CDC42SE2: variants seen among roughly 807,000 people sequenced by gnomAD.
CDC42SE2 encodes the protein CDC42 small effector protein 2.
In CDC42SE2, 3 loss-of-function variants were observed where a neutral mutation model predicts 11.5. That is an observed-to-expected ratio of 0.26 (90% CI 0.12 to 0.67). The LOEUF (loss-of-function observed/expected upper bound fraction) is 0.67, where lower values mean the gene tolerates loss of function less well. CDC42SE2 is among the 30% of genes least tolerant of loss of function. The probability of loss-of-function intolerance (pLI) is 0.80; values close to 1 mark genes in which losing one functional copy is unlikely to be tolerated. For synonymous variants in CDC42SE2, 33 were observed against 34.8 expected, an observed-to-expected ratio of 0.95 and a Z score of 0.18; for missense variants, 82 against 106.8, an observed-to-expected ratio of 0.77 and a Z score of 1.02.
rs111792633 is a variant in CDC42SE2 at position 131,346,990 on chromosome 5, T to G, written c.-285-12219T>G. ...GACACAACAAATCTCCGGGACACAT[T>G]TAAAGCAGTGTGTAGAGGGAAATTT... is the stretch of plus-strand genomic sequence containing the variant. On this transcript the variant is annotated intron_variant, in intron 2 of 4. Coordinates refer to ENST00000505065, the MANE Select transcript of CDC42SE2 (RefSeq NM_001375635.1). Among the ~76,000 whole-genome samples, 1,116 of 152,072 alleles carry G rather than the reference T, an allele frequency of 7.3e-3. 11 individuals carry two copies. The highest frequency in any genetic ancestry group is 0.026 in the African/African-American group (1,068 of 41,480).
chr5:131,394,188 T>A lies in CDC42SE2; in HGVS notation c.*3097T>A, dbSNP rs757420806. On this transcript the variant is annotated 3_prime_UTR_variant, in exon 5 of 5. Transcript: ENST00000505065. ...TTAAATAGGATTTTACTACTCAACATTCATTATACTGTTAATCTTTGCTGA... is the reference window on the plus strand; with the variant it reads ...TTAAATAGGATTTTACTACTCAACAATCATTATACTGTTAATCTTTGCTGA... The A allele has an allele frequency of 1.3e-5, 2 of 152,374 alleles. No homozygotes were observed. The highest frequency in any genetic ancestry group is 2.4e-5 in the African/African-American group (1 of 41,460). 9.4% of individuals were successfully genotyped at this position (152,374 alleles called of 1,614,324 possible). A position where few individuals can be genotyped will look rare whatever the true frequency, so the allele number is the denominator to read the frequency against.
intron 2 of CDC42SE2, among the ~76,000 whole-genome samples, chr5:131,346,070 A>G (rs943342732): frequency 3.9e-5 from 6 of 152,340 alleles, no homozygotes; most frequent in African/African-American, 1.2e-4. Flanking sequence ...AAAGACTATC[A>G]ATGCTAGGAA....
chr5:131,262,996 A>G (rs1756764256), upstream of CDC42SE2, among the ~76,000 whole-genome samples: 2 of 151,938 alleles, frequency 1.3e-5, no homozygotes, highest in African/African-American at 4.8e-5. Flanking sequence ...TGTCCAGCCC[A>G]AGCTGGAGTG....
At chr5:131,298,756 A>C (rs778368452) in intron 1 of CDC42SE2, among the ~76,000 whole-genome samples, 7 of 152,132 alleles carry the variant, frequency 4.6e-5, no homozygotes, top group Non-Finnish European at 1.0e-4. Flanking sequence ...GAAGGCTGTC[A>C]TATCTTCCCC....
At chr5:131,277,795 C>T (rs1042158349) in intron 1 of CDC42SE2, among the ~76,000 whole-genome samples, 1 of 152,164 alleles carries the variant, frequency 6.6e-6, no homozygotes, top group African/African-American at 2.4e-5. Context: ...AATAGGTCCT[C>T]CCCATCACTG....
At chr5:131,278,977 G>A (rs746579944) in intron 1 of CDC42SE2, among the ~76,000 whole-genome samples, 1 of 150,684 alleles carries the variant, frequency 6.6e-6, no homozygotes, top group African/African-American at 2.4e-5. Context: ...TAGAAACAGG[G>A]TTTCATCATG....
At chr5:131,331,321 T>G (rs563950381) in intron 2 of CDC42SE2, among the ~76,000 whole-genome samples, 13 of 152,310 alleles carry the variant, frequency 8.5e-5, no homozygotes, top group Non-Finnish European at 7.4e-5. Flanking sequence ...CAGAGAATGT[T>G]AATTCACATT....
chr5:131,251,149 A>T (rs1001094600), intron 1 of CDC42SE2, among the ~76,000 whole-genome samples: 1 of 152,224 alleles, frequency 6.6e-6, no homozygotes, highest in African/African-American at 2.4e-5. Flanking sequence ...CAAATAAATG[A>T]CTTAACATTT....
chr5:131,288,457 TA>T (rs1757386199), intron 1 of CDC42SE2, among the ~76,000 whole-genome samples: 2 of 152,320 alleles, frequency 1.3e-5, no homozygotes, highest in South Asian at 4.1e-4. Flanking sequence ...AGTGTCTCAT[TA>T]AAAAGCCATA....
chr5:131,262,820 TC>T (rs1225551961), upstream of CDC42SE2, among the ~76,000 whole-genome samples: 2 of 152,232 alleles, frequency 1.3e-5, no homozygotes, highest in Non-Finnish European at 2.9e-5. Flanking sequence ...CCAAATATTT[TC>T]CATCTGTGGT....
chr5:131,352,916 T>G (rs1749390425), intron 2 of CDC42SE2, among the ~76,000 whole-genome samples: 1 of 152,186 alleles, frequency 6.6e-6, no homozygotes, highest in Non-Finnish European at 1.5e-5. Context: ...CTTAATTCTG[T>G]GTTTTGCATT....
chr5:131,370,683 GA>G (rs1749992021), intron 3 of CDC42SE2, among the ~76,000 whole-genome samples: 1 of 152,116 alleles, frequency 6.6e-6, no homozygotes, highest in African/African-American at 2.4e-5. Context: ...TGTTTATTTA[GA>G]AAACATAGCC....
chr5:131,344,771 C>T lies in CDC42SE2; in HGVS notation c.-285-14438C>T, dbSNP rs182510036. On this transcript the variant is annotated intron_variant, in intron 2 of 4. Coordinates refer to ENST00000505065, the MANE Select transcript of CDC42SE2 (RefSeq NM_001375635.1). ...TCCCAGTAGGGGCTGACTGACACCT[C>T]ATACAGCCAGGTGCCCCTCTGAGAC... Among the ~76,000 whole-genome samples, 450 of 152,334 alleles carry T rather than the reference C, an allele frequency of 3.0e-3. 2 individuals carry two copies. Among genetic ancestry groups the T allele is most frequent in the African/African-American group, 0.01 (420 of 41,574 alleles).
the CDC42SE2 span, among the ~76,000 whole-genome samples, chr5:131,230,112 A>G: frequency 6.6e-6 from 1 of 152,216 alleles, no homozygotes; most frequent in South Asian, 2.1e-4. Context: ...AGTACCCAGA[A>G]GCACTAGAAG....
the CDC42SE2 span, among the ~76,000 whole-genome samples, chr5:131,233,740 T>C: frequency 6.6e-6 from 1 of 152,222 alleles, no homozygotes; most frequent in African/African-American, 2.4e-5. Flanking sequence ...TAGTATAAAT[T>C]CCTTAAAGGG....
At chr5:131,323,575 T>A (rs983015126) in intron 2 of CDC42SE2, among the ~76,000 whole-genome samples, 68 of 87,862 alleles carry the variant, frequency 7.7e-4, no homozygotes, top group Non-Finnish European at 1.1e-3. Context: ...TTTTTTTTTG[T>A]ATTTAAATGT....
At chr5:131,219,233 A>G in the CDC42SE2 span, among the ~76,000 whole-genome samples, 1 of 152,344 alleles carries the variant, frequency 6.6e-6, no homozygotes, top group East Asian at 1.9e-4. Flanking sequence ...TGATCTTGAC[A>G]TAGTGACTTC....
chr5:131,326,506 A>G (rs1191353207), intron 2 of CDC42SE2, among the ~76,000 whole-genome samples: 1 of 152,156 alleles, frequency 6.6e-6, no homozygotes, highest in East Asian at 1.9e-4. Flanking sequence ...TATGCAAATA[A>G]TATGTATTCT....
intron 1 of CDC42SE2, among the ~76,000 whole-genome samples, chr5:131,313,107 C>T (rs1757964805): frequency 6.6e-6 from 1 of 152,026 alleles, no homozygotes; most frequent in Non-Finnish European, 1.5e-5. Flanking sequence ...CTCAGCCTCC[C>T]TTGTAGCTGG....
Sources: gnomAD v4.1 joint callset for allele counts (sites outside exome capture counted in the v4.1 genomes callset) on GRCh38, gnomAD v4.1.1 for gene constraint, MANE v1.5 for transcripts, NCBI Gene and HGNC (gene_info 2026-07-23, HGNC 2026-07-21) for gene names.